The following PRKAR1B variants were observed in gnomAD, a reference collection of about 807,000 sequenced individuals.
The protein encoded by PRKAR1B is protein kinase cAMP-dependent type I regulatory subunit beta.
PRKAR1B carries 22 observed loss-of-function variants against 46.5 expected under a neutral mutation model. That is an observed-to-expected ratio of 0.47 (90% confidence interval 0.34 to 0.68). PRKAR1B has a LOEUF of 0.68. Ranked by LOEUF, PRKAR1B falls within the 30% of genes least tolerant of loss-of-function variation. The pLI is 0.01. For missense variants in PRKAR1B, 445 were observed against 535.6 expected (o/e 0.83, Z 1.67); for synonymous variants, 259 against 217.7 (o/e 1.19, Z -1.67).
At chr7:581,833 G>A (rs1780202116) in intron 8 of PRKAR1B, among the ~76,000 whole-genome samples, 2 of 151,388 alleles carry the variant, frequency 1.3e-5, no homozygotes, top group Admixed American at 6.6e-5. Flanking sequence ...CTCCCACCTC[G>A]GCCTCCCAAA....
chr7:693,518 G>A (rs575109771), intron 2 of PRKAR1B, among the ~76,000 whole-genome samples: 17 of 152,190 alleles, frequency 1.1e-4, no homozygotes, highest in Admixed American at 7.9e-4. Context: ...GGCCTGTTGC[G>A]TCTGGCTCAT....
intron 9 of PRKAR1B, among the ~76,000 whole-genome samples, chr7:554,597 AG>A (rs1279194739): frequency 6.6e-6 from 1 of 151,998 alleles, no homozygotes; most frequent in Non-Finnish European, 1.5e-5. Flanking sequence ...GCCAGAAGAC[AG>A]GGGAGGCCAC....
intron 7 of PRKAR1B, among the ~76,000 whole-genome samples, chr7:594,688 C>G (rs1050347057): frequency 2.0e-5 from 3 of 152,064 alleles, no homozygotes; most frequent in African/African-American, 7.2e-5. Context: ...CAAGGGGACC[C>G]CAAGACCATG....
rs1184774936 is a variant in PRKAR1B at position 593,105 on chromosome 7, C to T, written c.708+3041G>A. On this transcript the variant is annotated intron_variant, in intron 7 of 10. Coordinates refer to ENST00000537384, the MANE Select transcript of PRKAR1B (RefSeq NM_001164760.2). This position sits in a 1 kb window ranked among gnomAD's most constrained non-coding sequence, Gnocchi z 6.1. The stretch of plus-strand genomic sequence containing the variant: ...GGGGAGTGCTGGCCCCGGGCTGGGC[C>T]CCTGCCTGGGAGCCTAGAGGTGGGG... Among the ~76,000 whole-genome samples, 1 of 152,176 alleles carries T rather than the reference C, an allele frequency of 6.6e-6. No individual in the cohort carries two copies. The highest frequency in any genetic ancestry group is 1.5e-5 in the Non-Finnish European group (1 of 68,026).
At chr7:628,544 G>A (rs539749236) in intron 4 of PRKAR1B, among the ~76,000 whole-genome samples, 1 of 152,230 alleles carries the variant, frequency 6.6e-6, no homozygotes, top group African/African-American at 2.4e-5. Flanking sequence ...GTGTGAGGAA[G>A]AGCAAAGGCC....
intron 4 of PRKAR1B, among the ~76,000 whole-genome samples, chr7:671,176 C>T (rs907436246): frequency 5.3e-5 from 8 of 152,328 alleles, no homozygotes; most frequent in East Asian, 3.9e-4. Flanking sequence ...ACCGCTTCTC[C>T]GTCCCTCCGT....
intron 2 of PRKAR1B, among the ~76,000 whole-genome samples, chr7:684,556 A>G (rs1767120191): frequency 6.6e-6 from 1 of 152,158 alleles, no homozygotes; most frequent in Admixed American, 6.6e-5. Context: ...GGGTATGTGA[A>G]GCAGGTTCTC....
intron 2 of PRKAR1B, among the ~76,000 whole-genome samples, chr7:695,916 G>A (rs868859188): frequency 6.7e-6 from 1 of 150,268 alleles, no homozygotes; most frequent in Admixed American, 6.7e-5. Context: ...CACCCCTCTT[G>A]GCCTCCCAAA....
chr7:684,947 T>G (rs1025836456), intron 2 of PRKAR1B, among the ~76,000 whole-genome samples: 13 of 151,818 alleles, frequency 8.6e-5, no homozygotes, highest in African/African-American at 3.1e-4. Context: ...TTTTAAATAC[T>G]TCAATATCTA....
intron 4 of PRKAR1B, among the ~76,000 whole-genome samples, chr7:647,678 C>A (rs1478437878): frequency 6.6e-6 from 1 of 151,610 alleles, no homozygotes; most frequent in Non-Finnish European, 1.5e-5. Flanking sequence ...AGGTGGCAGG[C>A]GCCTGTAGTC....
chr7:610,413 T>G (rs1782414127), intron 4 of PRKAR1B, among the ~76,000 whole-genome samples: 5 of 152,166 alleles, frequency 3.3e-5, no homozygotes, highest in Admixed American at 3.3e-4. Context: ...TGAGCCTCAC[T>G]GGGTTGCTCC....
intron 4 of PRKAR1B, among the ~76,000 whole-genome samples, chr7:676,328 C>T (rs1029641881): frequency 6.6e-6 from 1 of 152,196 alleles, no homozygotes; most frequent in Non-Finnish European, 1.5e-5. Context: ...CTCCTCTGTC[C>T]CCTCACTGCG....
chr7:610,227 C>T (rs1243800502), intron 4 of PRKAR1B, among the ~76,000 whole-genome samples: 2 of 152,212 alleles, frequency 1.3e-5, no homozygotes, highest in East Asian at 3.9e-4. Context: ...GTTCCACTCA[C>T]GTGCTTCTAC....
At chr7:694,066 C>T (rs1309796366) in intron 2 of PRKAR1B, among the ~76,000 whole-genome samples, 3 of 152,240 alleles carry the variant, frequency 2.0e-5, no homozygotes, top group South Asian at 4.1e-4. Context: ...GGGCAGATCA[C>T]GAGGTCAGGA....
intron 2 of PRKAR1B, among the ~76,000 whole-genome samples, chr7:705,030 G>A (rs925398109): frequency 6.6e-6 from 1 of 152,024 alleles, no homozygotes; most frequent in Non-Finnish European, 1.5e-5. Context: ...AGTGGCTCAC[G>A]CCTGTAATCC....
chr7:569,770 C>T (rs113001733), intron 9 of PRKAR1B, among the ~76,000 whole-genome samples: 3,680 of 152,242 alleles, frequency 0.024, 136 homozygotes, highest in African/African-American at 0.073. Context: ...AGGGTGAGGC[C>T]GGAGTCCCTC....
intron 4 of PRKAR1B, among the ~76,000 whole-genome samples, chr7:628,947 T>C (rs1339631055): frequency 2.0e-5 from 3 of 152,268 alleles, no homozygotes; most frequent in East Asian, 3.9e-4. Context: ...CGGCGGGCAC[T>C]CGTGTTCTGA....
chr7:584,446 G>C (rs977770376), intron 8 of PRKAR1B, 62 bp downstream of exon 8: 12 of 1,445,872 alleles, frequency 8.3e-6, no homozygotes, highest in Non-Finnish European at 9.7e-6. Context: ...GGAAGAGGCC[G>C]GGGTGGCCAG....
At chr7:620,562 C>T (rs796426902) in intron 4 of PRKAR1B, among the ~76,000 whole-genome samples, 11 of 152,114 alleles carry the variant, frequency 7.2e-5, no homozygotes, top group South Asian at 6.2e-4. Context: ...GGAAGGAATC[C>T]GTATTTTTAA....
Sources: allele counts gnomAD v4.1 joint callset (sites outside exome capture counted in the v4.1 genomes callset), GRCh38; gene constraint gnomAD v4.1.1; non-coding constraint Gnocchi (gnomAD v3.1); transcripts MANE v1.5; gene names NCBI Gene and HGNC (gene_info 2026-07-23, HGNC 2026-07-21).